The following CFAP43 variants were observed in gnomAD, a reference collection of about 807,000 sequenced individuals.
The protein encoded by CFAP43 is cilia and flagella associated protein 43, also known as cilia- and flagella-associated protein 43.
A neutral mutation model predicts 218.9 loss-of-function variants in CFAP43; 155 were observed. That is an observed-to-expected ratio of 0.71 (90% CI 0.62 to 0.81). The LOEUF (loss-of-function observed/expected upper bound fraction) is 0.81, where lower values mean the gene tolerates loss of function less well. CFAP43 is among the 30% of genes least tolerant of loss of function. CFAP43 has a pLI of 0.00. For missense variants in CFAP43, 1,778 were observed against 1,954.3 expected (o/e 0.91, Z 1.70); for synonymous variants, 645 against 681.3 (o/e 0.95, Z 0.83).
At position 104,224,118 on chromosome 10, in the gene CFAP43, A is replaced by T. The variant is rs556675988; in HGVS notation, c.416+1343T>A. 2.0e-5 allele frequency among the ~76,000 whole-genome samples: 3 copies of T among 152,220 alleles called. No homozygotes were observed. The South Asian group carries it at 6.2e-4, about 32-fold the overall frequency. On this transcript the variant is annotated intron_variant, in intron 3 of 37. Coordinates refer to ENST00000357060, the MANE Select transcript of CFAP43 (RefSeq NM_025145.7). Reference sequence around the variant, plus strand: ...GAGTGCAGTGGCGCAATCTCAGCTCACTGCAAGCTCCGCCTCCCGGGTTCA... The same window carrying T: ...GAGTGCAGTGGCGCAATCTCAGCTCTCTGCAAGCTCCGCCTCCCGGGTTCA...
At chr10:104,144,452 C>A (rs1197097529) in intron 31 of CFAP43, among the ~76,000 whole-genome samples, 3 of 152,150 alleles carry the variant, frequency 2.0e-5, no homozygotes, top group Non-Finnish European at 2.9e-5. Context: ...AGATCGAGAT[C>A]ATCCTGCTCA....
At chr10:104,201,920 T>A (rs1005308141) in intron 8 of CFAP43, among the ~76,000 whole-genome samples, 1 of 152,202 alleles carries the variant, frequency 6.6e-6, no homozygotes, top group Admixed American at 6.5e-5. Flanking sequence ...ACTGAAAAGA[T>A]GTTTTCATTG....
At chr10:104,210,616 G>T (rs2090826863) in intron 5 of CFAP43, among the ~76,000 whole-genome samples, 1 of 152,048 alleles carries the variant, frequency 6.6e-6, no homozygotes. Flanking sequence ...GGTCTTGCAG[G>T]TGCTGCCCTC....
chr10:104,177,559 G>A (rs1479203358), intron 19 of CFAP43, among the ~76,000 whole-genome samples: 1 of 152,136 alleles, frequency 6.6e-6, no homozygotes, highest in Non-Finnish European at 1.5e-5. Context: ...AAACCCAAGA[G>A]AAAGCCAGAA....
At chr10:104,168,717 T>G in intron 21 of CFAP43, 27 bp downstream of exon 21, 2 of 1,561,664 alleles carry the variant, frequency 1.3e-6, no homozygotes, top group Non-Finnish European at 1.8e-6. Context: ...TCTCATCAGG[T>G]TTTGTACCTA....
Position 104,188,377 on chromosome 10 carries a change from A to G in CFAP43, c.1580T>C (p.Val527Ala). ...VAKDILQISTVSLLETDIVEV... is the reference protein window; with the variant it reads ...VAKDILQISTASLLETDIVEV... ...CACTATGTCTGTTTCTAAAAGAGAC[A>G]CTGTGGATATCTGTAAAATGTCTTT... Residue 527 changes from valine to alanine, a missense_variant, in exon 13 of 38, where the codon GTG becomes GCG. Coordinates refer to ENST00000357060, the MANE Select transcript of CFAP43 (RefSeq NM_025145.7). 1.2e-6 allele frequency: 2 copies of G among 1,614,114 alleles called. No individual in the cohort carries two copies. Among genetic ancestry groups the G allele is most frequent in the South Asian group, 1.1e-5 (1 of 91,066 alleles).
intron 16 of CFAP43, among the ~76,000 whole-genome samples, chr10:104,183,085 T>C (rs2134880294): frequency 6.6e-6 from 1 of 152,180 alleles, no homozygotes; most frequent in Non-Finnish European, 1.5e-5. Context: ...ACACACATAA[T>C]CACATGTGGC....
intron 13 of CFAP43, among the ~76,000 whole-genome samples, 197 bp from the exon 14 acceptor site, chr10:104,187,689 T>C (rs1385743230): frequency 2.0e-5 from 3 of 152,232 alleles, no homozygotes; most frequent in African/African-American, 7.2e-5. Context: ...TGATAGTGGG[T>C]AAAATATTTC....
chr10:104,131,031 C>G (rs939336352), intron 37 of CFAP43, among the ~76,000 whole-genome samples: 2 of 122,150 alleles, frequency 1.6e-5, no homozygotes, highest in Non-Finnish European at 3.5e-5. Context: ...AGAAAAGAAA[C>G]ACTGGGGACT....
chr10:104,176,163 C>T (rs976001469), intron 19 of CFAP43, among the ~76,000 whole-genome samples: 3 of 152,036 alleles, frequency 2.0e-5, no homozygotes, highest in South Asian at 2.1e-4. Context: ...CAAGAAAAAT[C>T]AATATTCAAT....
At chr10:104,164,322 G>T in intron 23 of CFAP43, 22 bp from the exon 24 acceptor site, 1 of 1,470,752 alleles carries the variant, frequency 6.8e-7, no homozygotes, top group Non-Finnish European at 9.4e-7. Flanking sequence ...ACATGTTACT[G>T]AAAACACATC....
At chr10:104,138,395 C>T (rs940870175) in intron 34 of CFAP43, among the ~76,000 whole-genome samples, 4 of 152,008 alleles carry the variant, frequency 2.6e-5, no homozygotes, top group East Asian at 1.9e-4. Context: ...GACAACTGGC[C>T]GGTGGCACGG....
intron 31 of CFAP43, among the ~76,000 whole-genome samples, chr10:104,145,128 G>A (rs894759139): frequency 6.6e-5 from 10 of 152,170 alleles, no homozygotes; most frequent in Admixed American, 5.2e-4. Flanking sequence ...CAGGGAACTT[G>A]TGTTTGTTTG....
At chr10:104,214,746 G>T (rs905679498) in intron 3 of CFAP43, among the ~76,000 whole-genome samples, 2 of 152,206 alleles carry the variant, frequency 1.3e-5, no homozygotes, top group Non-Finnish European at 2.9e-5. Flanking sequence ...CAAAACAAGT[G>T]TAAGTGCCTG....
chr10:104,205,447 G>A (rs1411039824), intron 7 of CFAP43, among the ~76,000 whole-genome samples: 2 of 152,042 alleles, frequency 1.3e-5, no homozygotes, highest in Admixed American at 6.6e-5. Context: ...GTTGTTGTAA[G>A]GACCTATAAG....
rs1454490346 is a variant in CFAP43, at chr10:104,211,451, T to A, written c.735+556A>T. Among the ~76,000 whole-genome samples, 2 of 152,174 alleles carry A rather than the reference T, an allele frequency of 1.3e-5. 1 individual carries two copies. Among genetic ancestry groups the A allele is most frequent in the South Asian group, 4.1e-4 (2 of 4,832 alleles). On this transcript the variant is annotated intron_variant, in intron 5 of 37. Transcript: ENST00000357060. ...AATGGGTGTGTAACACCTGGCAAAC[T>A]CCCTTTTGAAACTTTCTTCTGCTGT...
In CFAP43 at chr10:104,228,138, G is replaced by A. The variant is rs556266723; in HGVS notation, c.319+2452C>T. On this transcript the variant is annotated intron_variant, in intron 2 of 37. Transcript: ENST00000357060. ...ATTACAGGCGTGAGCCACTGTGCCCGGCCCATATTTTCTACTATTTTCAAG... is the reference window on the plus strand; with the variant it reads ...ATTACAGGCGTGAGCCACTGTGCCCAGCCCATATTTTCTACTATTTTCAAG... Among the ~76,000 whole-genome samples the A allele has an allele frequency of 1.2e-4, 18 of 152,060 alleles. No homozygotes were observed. The East Asian group carries it at 2.1e-3, about 18-fold the overall frequency.
chr10:104,221,212 T>A (rs2091170816), intron 3 of CFAP43, among the ~76,000 whole-genome samples: 1 of 152,172 alleles, frequency 6.6e-6, no homozygotes, highest in Admixed American at 6.5e-5. Flanking sequence ...TGACCTCAGG[T>A]GATCCGCCCA....
intron 19 of CFAP43, 152 bp downstream of exon 19, chr10:104,178,877 A>G (rs1314376520): frequency 3.7e-6 from 2 of 547,422 alleles, no homozygotes; most frequent in East Asian, 5.8e-5. Context: ...TGTGAATTGG[A>G]GAAATTTTAT....
Sources: gnomAD v4.1 joint callset for allele counts (sites outside exome capture counted in the v4.1 genomes callset) on GRCh38, gnomAD v4.1.1 for gene constraint, MANE v1.5 for transcripts, NCBI Gene and HGNC (gene_info 2026-07-23, HGNC 2026-07-21) for gene names.